SCN2A: variants seen among roughly 807,000 people sequenced by gnomAD.
The protein encoded by SCN2A is sodium channel protein type 2 subunit alpha.
SCN2A carries 20 observed loss-of-function variants against 188.7 expected under a neutral mutation model. The ratio of observed to expected loss-of-function variants is 0.11; its 90% confidence interval spans 0.07 to 0.15. The LOEUF (loss-of-function observed/expected upper bound fraction) is 0.15. Ranked by LOEUF, SCN2A falls within the 10% of genes least tolerant of loss-of-function variation. The probability of loss-of-function intolerance (pLI) is 1.00; values close to 1 mark genes in which losing one functional copy is unlikely to be tolerated. For missense variants in SCN2A, 1,278 were observed against 2,445.0 expected (o/e 0.52, Z 10.07); for synonymous variants, 804 against 833.1 (o/e 0.97, Z 0.60).
At chr2:165,356,171 A>T (rs1700172065) in intron 17 of SCN2A, among the ~76,000 whole-genome samples, 1 of 152,186 alleles carries the variant, frequency 6.6e-6, no homozygotes, top group African/African-American at 2.4e-5. Flanking sequence ...ATCTTTGAAT[A>T]TAGGAAGGTA....
At chr2:165,312,718 C>T (rs1052622572) in intron 8 of SCN2A, among the ~76,000 whole-genome samples, 1 of 152,010 alleles carries the variant, frequency 6.6e-6, no homozygotes, top group Admixed American at 6.6e-5. Context: ...CAAATGTTTG[C>T]TATTAAGAAA....
At chr2:165,261,634 TC>T (rs539403337) in intron 1 of SCN2A, among the ~76,000 whole-genome samples, 11 of 152,212 alleles carry the variant, frequency 7.2e-5, no homozygotes, top group Non-Finnish European at 1.6e-4. Flanking sequence ...ATTTGGGACG[TC>T]CTTCATATTG....
chr2:165,262,719 A>C (rs1176576988), intron 1 of SCN2A, among the ~76,000 whole-genome samples: 1 of 152,140 alleles, frequency 6.6e-6, no homozygotes, highest in Non-Finnish European at 1.5e-5. Flanking sequence ...ATGCGTGTGC[A>C]ATTATCTTTT....
intron 16 of SCN2A, among the ~76,000 whole-genome samples, chr2:165,345,412 T>C (rs915591569): frequency 6.6e-6 from 1 of 152,190 alleles, no homozygotes; most frequent in Non-Finnish European, 1.5e-5. Flanking sequence ...CCTAACACCA[T>C]ATATATTTAG....
intron 20 of SCN2A, chr2:165,370,855 G>A (rs1700988649): frequency 6.4e-6 from 1 of 155,680 alleles, no homozygotes; most frequent in Non-Finnish European, 1.4e-5. Context: ...ACTAAAATAT[G>A]AGGGTTTTTA....
At chr2:165,284,402 C>T (rs1307283531) in intron 1 of SCN2A, among the ~76,000 whole-genome samples, 1 of 152,092 alleles carries the variant, frequency 6.6e-6, no homozygotes, top group East Asian at 1.9e-4. Flanking sequence ...ATCTCCTGAC[C>T]TCGTGATCTG....
chr2:165,384,095 A>G (rs1701741238), intron 25 of SCN2A, among the ~76,000 whole-genome samples: 3 of 152,272 alleles, frequency 2.0e-5, no homozygotes, highest in South Asian at 4.1e-4. Flanking sequence ...GGTCTAGGGT[A>G]GCTTTAGAAA....
intron 14 of SCN2A, among the ~76,000 whole-genome samples, chr2:165,338,353 C>T (rs1289893612): frequency 2.6e-5 from 4 of 151,172 alleles, no homozygotes; most frequent in African/African-American, 9.7e-5. Flanking sequence ...TCCGCCTCCC[C>T]GGTTCACGTT....
intron 1 of SCN2A, among the ~76,000 whole-genome samples, chr2:165,255,240 T>A (rs1694262999): frequency 6.6e-6 from 1 of 152,138 alleles, no homozygotes; most frequent in South Asian, 2.1e-4. Flanking sequence ...TCTTTATTTT[T>A]TCTTCTTCTA....
intron 17 of SCN2A, among the ~76,000 whole-genome samples, chr2:165,361,789 A>G (rs1461726906): frequency 2.0e-5 from 3 of 151,976 alleles, no homozygotes; most frequent in East Asian, 1.9e-4. Context: ...CACTGTCAAA[A>G]TGATTTAGTA....
At chr2:165,373,467 T>A (rs752882249) in intron 21 of SCN2A, 120 bp downstream of exon 21, 80 of 1,123,270 alleles carry the variant, frequency 7.1e-5, no homozygotes, top group Non-Finnish European at 1.0e-4. Context: ...CTGACATAGC[T>A]AATCAATCAA....
chr2:165,315,722 G>T lies in SCN2A; in HGVS notation c.1635G>T (p.Arg545Ser), dbSNP rs1478414510. The T allele has an allele frequency of 6.2e-7, 1 of 1,613,194 alleles. No homozygotes were observed. Residue 545 changes from arginine to serine, a missense_variant, in exon 11 of 27, where the codon AGG becomes AGT. This residue lies in a region of SCN2A where 315 missense variants were observed against 386.6 expected (regional missense o/e 0.81). Transcript: ENST00000375437. ...KGFRFSLEGSRLTYEKRFSSP... is the reference protein window; with the variant it reads ...KGFRFSLEGSSLTYEKRFSSP... ...TCCGTTTTTCCTTGGAAGGAAGTAG[G>T]CTGACATATGAAAAGAGATTTTCTT...
chr2:165,303,632 G>A (rs1015247189), intron 3 of SCN2A, among the ~76,000 whole-genome samples: 11 of 152,074 alleles, frequency 7.2e-5, no homozygotes, highest in African/African-American at 2.7e-4. Context: ...CAGAATCCAG[G>A]AATTTGTAAA....
Position 165,303,270 on chromosome 2 carries a change from G to GT in SCN2A, c.387-4555dup, listed in dbSNP as rs71028477. Among the ~76,000 whole-genome samples the GT allele has an allele frequency of 5.5e-3, 500 of 91,208 alleles. 14 individuals carry two copies. The highest frequency in any genetic ancestry group is 8.5e-3 in the African/African-American group (209 of 24,688). 59.8% of individuals were successfully genotyped at this position (91,208 alleles called of 152,430 possible). On this transcript the variant is annotated intron_variant, in intron 3 of 26. Transcript: ENST00000375437. ...TTGTATTTGAGTTTTTGTTATTTGA[G>GT]TTTTTTTTTTTTTTTTTTTTTTTGA...
At chr2:165,250,545 A>G (rs1056766054) in intron 1 of SCN2A, among the ~76,000 whole-genome samples, 2 of 151,530 alleles carry the variant, frequency 1.3e-5, no homozygotes, top group African/African-American at 2.4e-5. Flanking sequence ...ACACAAAAAA[A>G]ATCTCTATTT....
chr2:165,293,641 A>C (rs966031951), intron 1 of SCN2A, among the ~76,000 whole-genome samples: 16 of 152,348 alleles, frequency 1.1e-4, no homozygotes, highest in African/African-American at 3.6e-4. Flanking sequence ...TAAGCAGTGC[A>C]CTACTGTACT....
At chr2:165,388,122 G>A (rs1205884303) in intron 26 of SCN2A, among the ~76,000 whole-genome samples, 1 of 152,074 alleles carries the variant, frequency 6.6e-6, no homozygotes, top group African/African-American at 2.4e-5. Context: ...ATTTACTCAT[G>A]CATAAAAGCA....
intron 16 of SCN2A, among the ~76,000 whole-genome samples, chr2:165,352,252 T>C (rs61009299): frequency 3.9e-5 from 6 of 151,914 alleles, no homozygotes; most frequent in African/African-American, 1.5e-4. Context: ...ATTGGTAAAT[T>C]CCAGAGGCAA....
intron 1 of SCN2A, among the ~76,000 whole-genome samples, chr2:165,279,613 G>A (rs549671088): frequency 1.1e-4 from 16 of 152,248 alleles, no homozygotes; most frequent in African/African-American, 3.8e-4. Flanking sequence ...GAAGAATGGA[G>A]ATTATCTGTT....
Sources: allele counts gnomAD v4.1 joint callset (sites outside exome capture counted in the v4.1 genomes callset), GRCh38; gene constraint gnomAD v4.1.1; regional missense constraint gnomAD v4.1.1; transcripts MANE v1.5; gene names NCBI Gene and HGNC (gene_info 2026-07-23, HGNC 2026-07-21).